The following NBEAL2 variants were observed in gnomAD, a reference collection of about 807,000 sequenced individuals.
NBEAL2 encodes the protein neurobeachin like 2.
A neutral mutation model predicts 299.8 loss-of-function variants in NBEAL2; 160 were observed. That is an observed-to-expected ratio of 0.53 (90% CI 0.47 to 0.61). NBEAL2 has a LOEUF of 0.61. Ranked by LOEUF, NBEAL2 falls within the 20% of genes least tolerant of loss-of-function variation. The pLI, the probability that NBEAL2 is intolerant of heterozygous loss-of-function variation, is 0.00. For missense variants in NBEAL2, 3,112 were observed against 3,649.0 expected (o/e 0.85, Z 3.79); for synonymous variants, 1,493 against 1,542.3 (o/e 0.97, Z 0.75).
At position 46,996,475 on chromosome 3, in the gene NBEAL2, G is replaced by A. The variant is rs116104760; in HGVS notation, c.2356G>A (p.Ala786Thr). 6.6e-4 allele frequency: 1,053 copies of A among 1,598,756 alleles called. 3 individuals carry two copies. The African/African-American group carries it at 0.011, about 17-fold the overall frequency. The change falls in exon 16 of 54, where the codon GCA becomes ACA. Residue 786 changes from alanine to threonine, a missense_variant. Physicochemically the swap from Ala to Thr is moderately conservative, Grantham distance 58 (BLOSUM62 0). Coordinates refer to ENST00000450053, the MANE Select transcript of NBEAL2 (RefSeq NM_015175.3). ...LQEGSIDSTL[A>T]GTQDTRWGSP... ...GGAGGGCAGCATCGACTCTACCCTCGCAGGCACCCAGGACACTCGGTGGGG... is the reference window on the plus strand; with the variant it reads ...GGAGGGCAGCATCGACTCTACCCTCACAGGCACCCAGGACACTCGGTGGGG...
rs2036111435 is a variant in NBEAL2, at chr3:46,991,798, T to G, written c.926-42T>G. ...ATAGGAAGGAAGGCTTAAGGCTGCC[T>G]AGAGGGGTCTGGGCAGGGCCTGACC... On this transcript the variant is annotated intron_variant, in intron 8 of 53. Transcript: ENST00000450053. This position sits in a 1 kb window ranked among gnomAD's most constrained non-coding sequence, Gnocchi z 6.2. 19 of 1,564,840 alleles carry G rather than the reference T, an allele frequency of 1.2e-5. No homozygotes were observed. The highest frequency in any genetic ancestry group is 1.4e-5 in the Non-Finnish European group (16 of 1,153,656).
At position 47,004,074 on chromosome 3, in the gene NBEAL2, T is replaced by C; in HGVS notation, c.5882-3T>C. On this transcript the variant is annotated splice_polypyrimidine_tract_variant and splice_region_variant and intron_variant, in intron 36 of 53. Transcript: ENST00000450053. This position sits in a 1 kb window ranked among gnomAD's most constrained non-coding sequence, Gnocchi z 5.0. ...CTCCCGTACCTGCTGTTCCTCCCCATAGGCATCGGCTATGATTTCCGGCGC... is the reference window on the plus strand; with the variant it reads ...CTCCCGTACCTGCTGTTCCTCCCCACAGGCATCGGCTATGATTTCCGGCGC... 1.2e-6 allele frequency: 2 copies of C among 1,611,636 alleles called. No homozygotes were observed. Among genetic ancestry groups the C allele is most frequent in the African/African-American group, 1.3e-5 (1 of 74,952 alleles).
rs2036178627 is a variant in NBEAL2, at chr3:46,992,503, A to C, written c.1061A>C (p.Glu354Ala). 1 of 1,606,448 alleles carries C rather than the reference A, an allele frequency of 6.2e-7. No homozygotes were observed. The highest frequency in any genetic ancestry group is 8.5e-7 in the Non-Finnish European group (1 of 1,176,992). The change falls in exon 10 of 54, where the codon GAG (glutamate) becomes GCG (alanine). Residue 354 changes from glutamate to alanine, a missense_variant. Physicochemically the swap from Glu to Ala is moderately radical, Grantham distance 107. This residue lies in a region of NBEAL2 where 2,243 missense variants were observed against 2,538.1 expected (regional missense o/e 0.88). Coordinates refer to ENST00000450053, the MANE Select transcript of NBEAL2 (RefSeq NM_015175.3). Reference protein sequence around the residue: ...KLYLQSRAPPEGDSDLATRLL... With the variant: ...KLYLQSRAPPAGDSDLATRLL... ...TACCTGCAGTCCCGGGCGCCCCCCG[A>C]GGGGGACAGTGACCTGGCTACCCGG...
rs753338698 is a variant in NBEAL2 at position 46,989,273 on chromosome 3, C to T, written c.365C>T (p.Pro122Leu). 9.9e-6 allele frequency: 16 copies of T among 1,611,422 alleles called. No homozygotes were observed. The South Asian group carries it at 1.7e-4, about 17-fold the overall frequency. Residue 122 changes from proline (P) to leucine (L), a missense_variant, in exon 5 of 54, where the codon CCA becomes CTA. Physicochemically the swap from Pro to Leu is moderately conservative, Grantham distance 98. This residue lies in a region of NBEAL2 where 2,243 missense variants were observed against 2,538.1 expected (regional missense o/e 0.88). Coordinates refer to ENST00000450053, the MANE Select transcript of NBEAL2 (RefSeq NM_015175.3). The surrounding 1 kb of genome is among the most constrained non-coding windows in gnomAD (Gnocchi z 5.5). ...CCACACCTACAGCTGAAAGGATGCC[C>T]ACCACCCCAGGGCCGAGGCACGCAG... ...TKLVAELKGC[P>L]PPQGRGTQLE...
Position 47,005,753 on chromosome 3 carries a change from G to C in NBEAL2, c.6707G>C (p.Cys2236Ser), listed in dbSNP as rs1215797160. Reference protein sequence around the residue: ...LENQNGFDLGCLQLTNEKVGD... With the variant: ...LENQNGFDLGSLQLTNEKVGD... The stretch of plus-strand genomic sequence containing the variant: ...TCTGTGCCAGGTTTTGACCTGGGCT[G>C]TCTCCAGCTGACCAACGAGAAGGTA... The change falls in exon 42 of 54, where the codon TGT becomes TCT. Residue 2236 changes from cysteine (C) to serine (S), a missense_variant. Coordinates refer to ENST00000450053, the MANE Select transcript of NBEAL2 (RefSeq NM_015175.3). 6.2e-7 allele frequency: 1 copy of C among 1,613,340 alleles called. No individual in the cohort carries two copies. The highest frequency in any genetic ancestry group is 8.5e-7 in the Non-Finnish European group (1 of 1,179,866).
At chr3:46,986,379 G>A (rs2035672925) in intron 1 of NBEAL2, among the ~76,000 whole-genome samples, 1 of 152,188 alleles carries the variant, frequency 6.6e-6, no homozygotes, top group East Asian at 1.9e-4. Flanking sequence ...AAAAGCCCAA[G>A]TCACACAAGG....
At chr3:47,007,719 G>C (rs368433635) in intron 48 of NBEAL2, 22 bp downstream of exon 48, 1 of 1,609,042 alleles carries the variant, frequency 6.2e-7, no homozygotes, top group Non-Finnish European at 8.5e-7. Flanking sequence ...CTTGGAGCTG[G>C]GGAGAATGAG....
At chr3:46,999,849 C>T (rs1205708957) in intron 26 of NBEAL2, 40 bp from the exon 27 acceptor site, 1 of 1,598,340 alleles carries the variant, frequency 6.3e-7, no homozygotes, top group Non-Finnish European at 8.6e-7. Flanking sequence ...CTGGAGCAGG[C>T]AGTTGGATGC....
chr3:47,008,553 G>A lies in NBEAL2; in HGVS notation c.7912G>A (p.Gly2638Arg), dbSNP rs2037639028. ...CTCCTTGCACCTGTATTCAGTCAATGGGAAGTTGCGGGCTTCACTGCCCCT... is the reference window on the plus strand; with the variant it reads ...CTCCTTGCACCTGTATTCAGTCAATAGGAAGTTGCGGGCTTCACTGCCCCT... ...TYSLHLYSVNGKLRASLPLAE... is the reference protein window; with the variant it reads ...TYSLHLYSVNRKLRASLPLAE... The change falls in exon 52 of 54, where the codon GGG (glycine) becomes AGG (arginine). Residue 2638 changes from glycine to arginine, a missense_variant. Gly to Arg is a moderately radical substitution (Grantham distance 125, BLOSUM62 -2). This residue lies in a region of NBEAL2 where 348 missense variants were observed against 381.4 expected (regional missense o/e 0.91). Transcript: ENST00000450053. The A allele has an allele frequency of 6.2e-7, 1 of 1,613,748 alleles. No individual in the cohort carries two copies. Among genetic ancestry groups the A allele is most frequent in the Non-Finnish European group, 8.5e-7 (1 of 1,179,860 alleles).
In NBEAL2 at chr3:46,999,968, G is replaced by A. The variant is rs765816712; in HGVS notation, c.3869G>A (p.Arg1290Gln). The change falls in exon 27 of 54, where the codon CGG (arginine) becomes CAG (glutamine). Residue 1290 changes from arginine to glutamine, a missense_variant. By Grantham distance (43) the Arg-to-Gln change is conservative. This residue lies in a region of NBEAL2 where 2,243 missense variants were observed against 2,538.1 expected (regional missense o/e 0.88). Transcript: ENST00000450053. The part of the protein sequence containing the change: ...RQAGWQDVLT[R>Q]LYVLEAATAG... ...GCTGGCTGGCAAGATGTGCTGACCC[G>A]GCTATATGTCCTGGAGGCTGCCACA... The A allele has an allele frequency of 2.4e-5, 39 of 1,611,886 alleles. No individual in the cohort carries two copies. The South Asian group carries it at 3.1e-4, about 13-fold the overall frequency.
rs765559771 is a variant in NBEAL2, at chr3:46,991,263, C to T, written c.601C>T (p.Arg201Cys). Residue 201 changes from arginine to cysteine, a missense_variant, in exon 7 of 54, where the codon CGT becomes TGT. This residue lies in a region of NBEAL2 where 2,243 missense variants were observed against 2,538.1 expected (regional missense o/e 0.88). Transcript: ENST00000450053. The surrounding 1 kb of genome is among the most constrained non-coding windows in gnomAD (Gnocchi z 6.2). ...CCACTTGCCTCCCATACTGCTGTTA[C>T]GTCTCATCCACCTCTTCTGCGCCGT... is the stretch of plus-strand genomic sequence containing the variant. ...ADHLPPILLL[R>C]LIHLFCAVLA... 1.1e-5 allele frequency: 18 copies of T among 1,608,154 alleles called. No homozygotes were observed. The highest frequency in any genetic ancestry group is 2.2e-5 in the South Asian group (2 of 89,756).
In NBEAL2 at chr3:46,999,332, G is replaced by A; in HGVS notation, c.3561G>A (p.Gln1187=). ...DRVCKILRRL[Q]QNERLPERSR... ...CCACACAGATCCTGCGCAGACTGCA[G>A]CAGAATGAGCGGCTACCTGAGCGGA... The change falls in exon 25 of 54, where the codon CAG becomes CAA. Residue 1187 remains glutamine (Q), a synonymous_variant. Coordinates refer to ENST00000450053, the MANE Select transcript of NBEAL2 (RefSeq NM_015175.3). The A allele has an allele frequency of 1.2e-6, 2 of 1,611,050 alleles. No homozygotes were observed. The highest frequency in any genetic ancestry group is 8.5e-7 in the Non-Finnish European group (1 of 1,178,932).
In NBEAL2 at chr3:46,995,635, TGGGTGACTGCCAG is replaced by T; in HGVS notation, c.1898+6_1898+18del. 1 of 1,609,134 alleles carries T rather than the reference TGGGTGACTGCCAG, an allele frequency of 6.2e-7. No homozygotes were observed. Among genetic ancestry groups the T allele is most frequent in the South Asian group, 1.1e-5 (1 of 90,986 alleles). On this transcript the variant is annotated splice_donor_5th_base_variant and intron_variant, in intron 13 of 53. Coordinates refer to ENST00000450053, the MANE Select transcript of NBEAL2 (RefSeq NM_015175.3). ...ACTCCAGCGAAAGCAGCTGTACAGG[TGGGTGACTGCCAG>T]GGGCCAGGGACCTCCTGCCAGGGTG... is the stretch of plus-strand genomic sequence containing the variant.
At chr3:46,983,253 G>A (rs144766098) in intron 1 of NBEAL2, among the ~76,000 whole-genome samples, 11 of 151,090 alleles carry the variant, frequency 7.3e-5, no homozygotes, top group African/African-American at 1.7e-4. Flanking sequence ...GATCTCTACT[G>A]CCTCTCAGAA....
In NBEAL2 at chr3:46,997,324, G is replaced by A; in HGVS notation, c.2715G>A (p.Gln905=). The change falls in exon 19 of 54, where the codon CAG becomes CAA. Residue 905 remains glutamine (Q), a synonymous_variant. Coordinates refer to ENST00000450053, the MANE Select transcript of NBEAL2 (RefSeq NM_015175.3). ...CCCTGCTGGAGCGAGTAGCTGCACA[G>A]CCCAAAGAGGCTGAAGCAGGTCCAG... ...LLPLLERVAA[Q]PKEAEAGPAE... The A allele has an allele frequency of 6.2e-7, 1 of 1,613,022 alleles. No individual in the cohort carries two copies. Among genetic ancestry groups the A allele is most frequent in the African/African-American group, 1.3e-5 (1 of 75,042 alleles).
rs1161331290 is a variant in NBEAL2, at chr3:46,995,798, G to A, written c.1983G>A (p.Glu661=). 6.2e-7 allele frequency: 1 copy of A among 1,613,888 alleles called. No homozygotes were observed. Residue 661 remains glutamate (E), a synonymous_variant, in exon 14 of 54, where the codon GAG becomes GAA. Coordinates refer to ENST00000450053, the MANE Select transcript of NBEAL2 (RefSeq NM_015175.3). ...TGGTGGCTGTGTGCACACGGAAGGAGTATTTGACCATGAGTTTGCCCGAAG... is the reference window on the plus strand; with the variant it reads ...TGGTGGCTGTGTGCACACGGAAGGAATATTTGACCATGAGTTTGCCCGAAG... The part of the protein sequence containing the change: ...TLVVAVCTRK[E]YLTMSLPEVS...
intron 50 of NBEAL2, 29 bp from the exon 51 acceptor site, chr3:47,008,254 G>A: frequency 6.2e-7 from 1 of 1,613,042 alleles, no homozygotes. Flanking sequence ...CCAGACTCCT[G>A]CCCAGGACCC....
Position 46,996,321 on chromosome 3 carries a change from C to T in NBEAL2, c.2202C>T (p.Thr734=). 6.2e-7 allele frequency: 1 copy of T among 1,611,330 alleles called. No individual in the cohort carries two copies. Among genetic ancestry groups the T allele is most frequent in the Middle Eastern group, 1.7e-4 (1 of 6,060 alleles). Residue 734 remains threonine, a synonymous_variant, in exon 16 of 54, where the codon ACC becomes ACT. Transcript: ENST00000450053. ...IGSAGYRTTT[T]TTGLPTPPVP... ...CCGCTGGATACCGCACAACGACCAC[C>T]ACCACAGGGCTGCCCACACCACCAG...
intron 47 of NBEAL2, 48 bp downstream of exon 47, chr3:47,007,398 C>T (rs750227379): frequency 4.4e-5 from 69 of 1,560,436 alleles, no homozygotes; most frequent in Middle Eastern, 3.3e-4. Context: ...GCCCTGCACC[C>T]GGAATTATTC....
Sources: gnomAD v4.1 joint callset for allele counts (sites outside exome capture counted in the v4.1 genomes callset) on GRCh38, gnomAD v4.1.1 for gene constraint, gnomAD v4.1.1 regional missense constraint, Gnocchi (gnomAD v3.1) non-coding constraint, MANE v1.5 for transcripts, NCBI Gene and HGNC (gene_info 2026-07-23, HGNC 2026-07-21) for gene names.